RRBP1: variants seen among roughly 807,000 people sequenced by gnomAD.
The protein encoded by RRBP1 is ribosome-binding protein 1.
RRBP1 carries 94 observed loss-of-function variants against 165.2 expected under a neutral mutation model. The ratio of observed to expected loss-of-function variants is 0.57; its 90% confidence interval spans 0.48 to 0.68. The LOEUF (loss-of-function observed/expected upper bound fraction) is 0.68, where lower values mean the gene tolerates loss of function less well. Ranked by LOEUF, RRBP1 falls within the 30% of genes least tolerant of loss-of-function variation. The pLI is 0.00. For synonymous variants in RRBP1, 680 were observed against 714.5 expected, an observed-to-expected ratio of 0.95 and a Z score of 0.77; for missense variants, 1,676 against 1,763.0, an observed-to-expected ratio of 0.95 and a Z score of 0.88.
In RRBP1 at chr20:17,627,657, G is replaced by A. The variant is rs368587696; in HGVS notation, c.2775C>T (p.Ser925=). 2.2e-5 allele frequency: 36 copies of A among 1,608,966 alleles called. No homozygotes were observed. Among genetic ancestry groups the A allele is most frequent in the Admixed American group, 1.2e-4 (7 of 59,250 alleles). Residue 925 remains serine, a synonymous_variant, in exon 10 of 25, where the codon TCC becomes TCT. Coordinates refer to ENST00000377813, the MANE Select transcript of RRBP1 (RefSeq NM_001365613.2). ...MAELHSKLQS[S]EAEVRSKCEE... ...CGCATTTGCTGCGCACCTCCGCCTC[G>A]GAGGACTGTAACTTGCTGTGCAGCT...
At position 17,659,549 on chromosome 20, in the gene RRBP1, T is replaced by C; in HGVS notation, c.959A>G (p.Lys320Arg). The change falls in exon 3 of 25, where the codon AAA (lysine) becomes AGA (arginine). Residue 320 changes from lysine to arginine, a missense_variant. Transcript: ENST00000377813. ...CTGGTTCTGGGCCCCCTCTCCCTTT[T>C]TGCCCTGATTCTGGGCCCCCTCTGC... ...KKAEGAQNQG[K>R]KGEGAQNQGK... The C allele has an allele frequency of 1.3e-6, 2 of 1,549,032 alleles. No individual in the cohort carries two copies. The highest frequency in any genetic ancestry group is 8.7e-7 in the Non-Finnish European group (1 of 1,146,526).
intron 20 of RRBP1, among the ~76,000 whole-genome samples, chr20:17,617,763 G>C (rs141873312): frequency 6.6e-6 from 1 of 152,320 alleles, no homozygotes. Context: ...AGCGTGTGCC[G>C]GACTCACTGG....
At chr20:17,651,065 G>A (rs2122406467) in intron 3 of RRBP1, among the ~76,000 whole-genome samples, 1 of 152,274 alleles carries the variant, frequency 6.6e-6, no homozygotes, top group East Asian at 1.9e-4. Flanking sequence ...CTTCCATTCT[G>A]GGGAATTTCC....
At position 17,660,158 on chromosome 20, in the gene RRBP1, A is replaced by G; in HGVS notation, c.350T>C (p.Ile117Thr). 6.2e-7 allele frequency: 1 copy of G among 1,614,154 alleles called. No individual in the cohort carries two copies. The highest frequency in any genetic ancestry group is 8.5e-7 in the Non-Finnish European group (1 of 1,180,028). Residue 117 changes from isoleucine to threonine, a missense_variant, in exon 3 of 25, where the codon ATC (isoleucine) becomes ACC (threonine). Coordinates refer to ENST00000377813, the MANE Select transcript of RRBP1 (RefSeq NM_001365613.2). ...VAPTPVQPPI[I>T]VAPVATVPAM... Reference sequence around the variant, plus strand: ...TGGAACTGTGGCGACAGGAGCAACGATAATGGGGGGCTGCACTGGGGTTGG... The same window carrying G: ...TGGAACTGTGGCGACAGGAGCAACGGTAATGGGGGGCTGCACTGGGGTTGG...
chr20:17,646,513 C>T (rs1035584356), intron 3 of RRBP1, among the ~76,000 whole-genome samples: 3 of 152,174 alleles, frequency 2.0e-5, no homozygotes, highest in Non-Finnish European at 2.9e-5. Context: ...GCTTCTGTTT[C>T]CTTGCCTACA....
intron 9 of RRBP1, 24 bp from the exon 10 acceptor site, chr20:17,627,706 G>T: frequency 6.6e-7 from 1 of 1,512,010 alleles, no homozygotes; most frequent in South Asian, 1.2e-5. Flanking sequence ...AGGGAAACGA[G>T]AAGTTAAGAG....
rs556690160 is a variant in RRBP1 at position 17,614,742 on chromosome 20, T to C, written c.4189A>G (p.Lys1397Glu). 14 of 1,612,198 alleles carry C rather than the reference T, an allele frequency of 8.7e-6. No individual in the cohort carries two copies. The South Asian group carries it at 1.2e-4, about 14-fold the overall frequency. ...CTTTGGCGCCAGGCACGCACTGCCT[T>C]TTCCAGCTGTTCCTGCAGCTTCTTC... ...TVKKLQEQLE[K>E]AEDGSSSKEG... The change falls in exon 24 of 25, where the codon AAG becomes GAG. Residue 1397 changes from lysine to glutamate, a missense_variant. This residue lies in a region of RRBP1 where 1,184 missense variants were observed against 1,167.1 expected (regional missense o/e 1.01). Coordinates refer to ENST00000377813, the MANE Select transcript of RRBP1 (RefSeq NM_001365613.2).
At chr20:17,663,316 A>G (rs2036804868) in intron 2 of RRBP1, among the ~76,000 whole-genome samples, 1 of 152,206 alleles carries the variant, frequency 6.6e-6, no homozygotes, top group Non-Finnish European at 1.5e-5. Flanking sequence ...TTTTAATCTT[A>G]CTCAACATAG....
chr20:17,661,197 A>G (rs535871346), intron 2 of RRBP1, among the ~76,000 whole-genome samples: 1 of 152,318 alleles, frequency 6.6e-6, no homozygotes, highest in East Asian at 1.9e-4. Flanking sequence ...AGTGCCAATA[A>G]ATGCTGCTAC....
chr20:17,628,469 C>T (rs763079998), intron 9 of RRBP1, among the ~76,000 whole-genome samples: 2 of 152,198 alleles, frequency 1.3e-5, no homozygotes, highest in Non-Finnish European at 2.9e-5. Context: ...AAGGCCTCAT[C>T]CCTGGTCTCC....
intron 8 of RRBP1, 93 bp downstream of exon 8, chr20:17,633,366 AG>A: frequency 2.2e-5 from 30 of 1,377,400 alleles, no homozygotes; most frequent in Non-Finnish European, 3.0e-5. Context: ...ACGGGTGCCC[AG>A]TGTGGCACGG....
At chr20:17,666,249 G>A (rs964485856) in intron 2 of RRBP1, among the ~76,000 whole-genome samples, 2 of 151,924 alleles carry the variant, frequency 1.3e-5, no homozygotes, top group African/African-American at 2.4e-5. Context: ...GTTCGTGTCT[G>A]TAGTCCAAGC....
chr20:17,665,500 T>C (rs2036853048), intron 2 of RRBP1, among the ~76,000 whole-genome samples: 2 of 152,266 alleles, frequency 1.3e-5, no homozygotes, highest in South Asian at 2.1e-4. Flanking sequence ...GGCTCCCGAG[T>C]AGCTGGGATT....
At chr20:17,663,863 C>T (rs1002173903) in intron 2 of RRBP1, among the ~76,000 whole-genome samples, 1 of 152,196 alleles carries the variant, frequency 6.6e-6, no homozygotes, top group Non-Finnish European at 1.5e-5. Flanking sequence ...CCACCCATAC[C>T]TTGTAGGGTC....
chr20:17,615,353 C>T, intron 23 of RRBP1, 78 bp downstream of exon 23: 1 of 1,195,914 alleles, frequency 8.4e-7, no homozygotes, highest in Non-Finnish European at 1.2e-6. Context: ...CCCTTCCTGG[C>T]CCCTTTCCGA....
At chr20:17,630,837 G>C (rs778194864) in intron 8 of RRBP1, among the ~76,000 whole-genome samples, 6 of 152,246 alleles carry the variant, frequency 3.9e-5, no homozygotes, top group African/African-American at 7.2e-5. Context: ...GTTTGAATAA[G>C]AGGCTGTGAG....
At chr20:17,624,437 T>C (rs2035976516) in intron 13 of RRBP1, 139 bp downstream of exon 13, 2 of 658,982 alleles carry the variant, frequency 3.0e-6, no homozygotes, top group Non-Finnish European at 5.5e-6. Context: ...TATGCGTTCC[T>C]AGTGCCTCTG....
Position 17,617,940 on chromosome 20 carries a change from G to A in RRBP1, c.3759+656C>T, listed in dbSNP as rs531093658. Among the ~76,000 whole-genome samples, 27 of 152,384 alleles carry A rather than the reference G, an allele frequency of 1.8e-4. No homozygotes were observed. The South Asian group carries it at 4.1e-3, about 23-fold the overall frequency. ...GCCTTGGGGCGGTACCAGATCCGGT[G>A]AGGCTGGGTGGAGCCTGCCAAGGAG... is the stretch of plus-strand genomic sequence containing the variant. On this transcript the variant is annotated intron_variant, in intron 20 of 24. Coordinates refer to ENST00000377813, the MANE Select transcript of RRBP1 (RefSeq NM_001365613.2).
intron 2 of RRBP1, among the ~76,000 whole-genome samples, chr20:17,666,266 G>C (rs966585077): frequency 1.3e-5 from 2 of 151,964 alleles, no homozygotes; most frequent in East Asian, 1.9e-4. Context: ...AAGCTACTTG[G>C]GGGGCTGAGG....
Sources: allele counts gnomAD v4.1 joint callset (sites outside exome capture counted in the v4.1 genomes callset), GRCh38; gene constraint gnomAD v4.1.1; regional missense constraint gnomAD v4.1.1; transcripts MANE v1.5; gene names NCBI Gene and HGNC (gene_info 2026-07-23, HGNC 2026-07-21).